Variants in RHEX observed in about 807,000 individuals in gnomAD.
The protein encoded by RHEX is regulator of hemoglobinization and erythroid cell expansion protein.
Under a neutral mutation model 20.1 loss-of-function variants are expected in RHEX, and 18 were observed. The ratio of observed to expected loss-of-function variants is 0.90; its 90% CI spans 0.62 to 1.33. The LOEUF (loss-of-function observed/expected upper bound fraction) is 1.33. RHEX is among the 40% of genes most tolerant of loss of function. The pLI, the probability that RHEX is intolerant of heterozygous loss-of-function variation, is 0.00. For synonymous variants in RHEX, 87 were observed against 77.1 expected, an observed-to-expected ratio of 1.13 and a Z score of -0.67; for missense variants, 192 against 214.3, an observed-to-expected ratio of 0.90 and a Z score of 0.65.
chr1:206,096,773 T>TTG (rs1553287720), intron 1 of RHEX, among the ~76,000 whole-genome samples: 10 of 140,930 alleles, frequency 7.1e-5, no homozygotes, highest in South Asian at 2.1e-4. Flanking sequence ...CTGTTTTTTT[T>TTG]TTTTTTGGTT....
intron 1 of RHEX, among the ~76,000 whole-genome samples, chr1:206,054,279 A>T (rs1553282264): frequency 6.6e-6 from 1 of 152,236 alleles, no homozygotes; most frequent in African/African-American, 2.4e-5. Context: ...TGTCGGCAAA[A>T]GTCGTGAAAG....
intron 1 of RHEX, among the ~76,000 whole-genome samples, chr1:206,057,903 T>G (rs1662224908): frequency 6.6e-6 from 1 of 152,266 alleles, no homozygotes; most frequent in African/African-American, 2.4e-5. Flanking sequence ...TAGAAATTAT[T>G]ACTAATAAAA....
chr1:206,102,158 G>T lies in RHEX; in HGVS notation c.*206G>T, dbSNP rs545421531. The T allele has an allele frequency of 3.4e-6, 2 of 581,292 alleles. No homozygotes were observed. The highest frequency in any genetic ancestry group is 2.8e-5 in the East Asian group (1 of 35,646). 36.0% of individuals were successfully genotyped at this position (581,292 alleles called of 1,614,324 possible). On this transcript the variant is annotated 3_prime_UTR_variant, in exon 6 of 6. Coordinates refer to ENST00000331555, the MANE Select transcript of RHEX (RefSeq NM_001007544.4). ...TGGTCTGTACCCAAAAAAGCTGTTC[G>T]TTCCTCAAAAACAAAAACAAGGCTT...
intron 1 of RHEX, among the ~76,000 whole-genome samples, chr1:206,094,322 C>G (rs947397203): frequency 1.9e-4 from 29 of 152,178 alleles, no homozygotes; most frequent in African/African-American, 7.0e-4. Context: ...ATAATGACAT[C>G]TGTCATAATT....
In RHEX at chr1:206,098,233, C is replaced by T. The variant is rs991060188; in HGVS notation, c.112+52C>T. The T allele has an allele frequency of 2.5e-5, 34 of 1,334,552 alleles. No homozygotes were observed. The East Asian group carries it at 4.4e-4, about 17-fold the overall frequency. The allele number at this position is 1,334,552 out of a possible 1,614,324, so 82.7% of individuals were successfully genotyped here. A position where few individuals can be genotyped will look rare whatever the true frequency, so the allele number is the denominator to read the frequency against. ...CCTAGTCACTCTCAGAGACCATTCT[C>T]GAGCCTCCAGCAGGACAAGACCCCT... On this transcript the variant is annotated intron_variant, in intron 3 of 5. Transcript: ENST00000331555.
intron 1 of RHEX, among the ~76,000 whole-genome samples, chr1:206,097,083 T>C (rs1383474801): frequency 1.3e-5 from 2 of 152,158 alleles, no homozygotes; most frequent in African/African-American, 4.8e-5. Flanking sequence ...CCCAAGACAC[T>C]TTTGACTGAG....
chr1:206,095,721 C>T (rs1553287576), intron 1 of RHEX, among the ~76,000 whole-genome samples: 1 of 152,082 alleles, frequency 6.6e-6, no homozygotes, highest in African/African-American at 2.4e-5. Flanking sequence ...GAGGCTCAGG[C>T]AGGAGAATCG....
chr1:206,054,565 G>A (rs970514979), intron 1 of RHEX, among the ~76,000 whole-genome samples: 6 of 152,214 alleles, frequency 3.9e-5, no homozygotes, highest in African/African-American at 9.7e-5. Flanking sequence ...AGTTAAAAAG[G>A]TATCATCCAG....
chr1:206,101,165 G>T lies in RHEX; in HGVS notation c.286G>T (p.Asp96Tyr). Residue 96 changes from aspartate to tyrosine, a missense_variant, in exon 5 of 6, where the codon GAT becomes TAT. Transcript: ENST00000331555. ...CAGCGACACACCCTCAGATAGCTTGGATAGCTCCTGCAGTTCGCCTCCTGC... is the reference window on the plus strand; with the variant it reads ...CAGCGACACACCCTCAGATAGCTTGTATAGCTCCTGCAGTTCGCCTCCTGC... The part of the protein sequence containing the change: ...HDSDTPSDSL[D>Y]SSCSSPPACQ... The T allele has an allele frequency of 6.2e-7, 1 of 1,613,030 alleles. No homozygotes were observed. The highest frequency in any genetic ancestry group is 8.5e-7 in the Non-Finnish European group (1 of 1,179,644).
intron 1 of RHEX, among the ~76,000 whole-genome samples, chr1:206,077,376 C>A (rs1252005687): frequency 1.3e-5 from 2 of 152,168 alleles, no homozygotes; most frequent in Admixed American, 6.5e-5. Flanking sequence ...GCTCTTCATT[C>A]ATTGACCAAT....
At chr1:206,075,561 T>C (rs1553285151) in intron 1 of RHEX, among the ~76,000 whole-genome samples, 1 of 152,032 alleles carries the variant, frequency 6.6e-6, no homozygotes, top group East Asian at 1.9e-4. Flanking sequence ...AATTCATTGG[T>C]GAGTTTGCCA....
chr1:206,098,586 T>C (rs1663125479), intron 3 of RHEX: 1 of 172,202 alleles, frequency 5.8e-6, no homozygotes, highest in Non-Finnish European at 1.3e-5. Flanking sequence ...GAGATTAGTT[T>C]AAATTCTTGA....
intron 1 of RHEX, among the ~76,000 whole-genome samples, chr1:206,070,967 G>A (rs1484793990): frequency 3.3e-5 from 5 of 152,160 alleles, no homozygotes; most frequent in Non-Finnish European, 7.4e-5. Flanking sequence ...TTCTCTAGAA[G>A]GACAGAACTA....
At chr1:206,087,466 C>T (rs782684041) in intron 1 of RHEX, among the ~76,000 whole-genome samples, 1 of 151,670 alleles carries the variant, frequency 6.6e-6, no homozygotes. Context: ...TCTGACAATT[C>T]ATTATTCTTC....
At chr1:206,064,596 C>CT (rs1286664054) in intron 1 of RHEX, among the ~76,000 whole-genome samples, 1 of 135,684 alleles carries the variant, frequency 7.4e-6, no homozygotes, top group African/African-American at 2.8e-5. Flanking sequence ...CCGGCCGCCC[C>CT]TACTGGGAAG....
intron 1 of RHEX, among the ~76,000 whole-genome samples, chr1:206,059,722 G>A (rs1423138773): frequency 2.0e-5 from 3 of 152,176 alleles, no homozygotes; most frequent in Non-Finnish European, 4.4e-5. Context: ...TACAATGGGA[G>A]GGTTTAAGAT....
intron 1 of RHEX, among the ~76,000 whole-genome samples, chr1:206,068,429 A>T (rs782083845): frequency 5.3e-5 from 8 of 152,222 alleles, no homozygotes; most frequent in Admixed American, 5.2e-4. Context: ...GAACACAGAC[A>T]TGCCTTATAG....
chr1:206,057,112 C>G (rs1443438054), intron 1 of RHEX, among the ~76,000 whole-genome samples: 2 of 152,240 alleles, frequency 1.3e-5, no homozygotes, highest in Admixed American at 6.5e-5. Context: ...TCTCCAGAAC[C>G]AGTATTTCAG....
chr1:206,090,256 G>T (rs1662921244), intron 1 of RHEX, among the ~76,000 whole-genome samples: 1 of 142,522 alleles, frequency 7.0e-6, no homozygotes, highest in African/African-American at 2.7e-5. Flanking sequence ...CCCCAGTCTG[G>T]AGTGCTGTGG....
Sources: allele counts gnomAD v4.1 joint callset (sites outside exome capture counted in the v4.1 genomes callset), GRCh38; gene constraint gnomAD v4.1.1; transcripts MANE v1.5; gene names NCBI Gene and HGNC (gene_info 2026-07-23, HGNC 2026-07-21).